MALRD1: variants seen among roughly 807,000 people sequenced by gnomAD.
MALRD1 encodes the protein MAM and LDL-receptor class A domain-containing protein 1.
In MALRD1, 247 loss-of-function variants were observed where a neutral mutation model predicts 242.1. That is an observed-to-expected ratio of 1.02 (90% CI 0.92 to 1.13). MALRD1 has a LOEUF of 1.13. Ranked by LOEUF, MALRD1 falls within the 50% of genes most tolerant of loss-of-function variation. MALRD1 has a pLI of 0.00. For synonymous variants in MALRD1, 995 were observed against 866.6 expected (o/e 1.15, Z -2.60); for missense variants, 2,989 against 2,533.1 (o/e 1.18, Z -3.86).
At chr10:19,370,267 C>G (rs1845317404) in intron 26 of MALRD1, among the ~76,000 whole-genome samples, 1 of 151,992 alleles carries the variant, frequency 6.6e-6, no homozygotes, top group Admixed American at 6.6e-5. Flanking sequence ...ATGTGAGACC[C>G]TACTGGGATA....
chr10:19,086,467 T>C (rs1835672416), intron 2 of MALRD1, among the ~76,000 whole-genome samples: 1 of 151,982 alleles, frequency 6.6e-6, no homozygotes, highest in Admixed American at 6.6e-5. Flanking sequence ...TCACAGGAAA[T>C]CTATGAGAGC....
chr10:19,109,944 C>T (rs899595273), intron 5 of MALRD1, among the ~76,000 whole-genome samples: 1 of 152,114 alleles, frequency 6.6e-6, no homozygotes, highest in African/African-American at 2.4e-5. Flanking sequence ...ATGCTGGGGG[C>T]CTCCTGCTTA....
chr10:19,728,785 C>G (rs1276790497), intron 38 of MALRD1, among the ~76,000 whole-genome samples: 1 of 152,158 alleles, frequency 6.6e-6, no homozygotes. Flanking sequence ...ACACTTCACT[C>G]CCTACCCAAT....
chr10:19,064,330 G>A (rs189495540), intron 1 of MALRD1, among the ~76,000 whole-genome samples: 13 of 152,314 alleles, frequency 8.5e-5, no homozygotes, highest in African/African-American at 3.1e-4. Context: ...ACAGCGGATA[G>A]TTTCAGACTT....
Position 19,648,120 on chromosome 10 carries a change from T to C in MALRD1, c.6137+32197T>C, listed in dbSNP as rs529665683. On this transcript the variant is annotated intron_variant, in intron 36 of 39. Coordinates refer to ENST00000454679, the MANE Select transcript of MALRD1 (RefSeq NM_001142308.3). Reference sequence around the variant, plus strand: ...TGAAGGCTGTGTTCCACATGCACAGTGCAAAACTCCTCAAGGGTTACCAGA... The same window carrying C: ...TGAAGGCTGTGTTCCACATGCACAGCGCAAAACTCCTCAAGGGTTACCAGA... 6.6e-5 allele frequency among the ~76,000 whole-genome samples: 10 copies of C among 152,240 alleles called. No homozygotes were observed. In the South Asian group the frequency reaches 2.1e-3, roughly 32 times the overall value.
At chr10:19,370,947 T>TA (rs1484028156) in intron 26 of MALRD1, among the ~76,000 whole-genome samples, 2 of 151,756 alleles carry the variant, frequency 1.3e-5, no homozygotes, top group African/African-American at 4.8e-5. Flanking sequence ...CTGTGATTTT[T>TA]AAAAAAGTGT....
At chr10:19,430,271 T>C (rs375458616) in intron 28 of MALRD1, among the ~76,000 whole-genome samples, 4 of 151,454 alleles carry the variant, frequency 2.6e-5, no homozygotes, top group African/African-American at 9.7e-5. Context: ...CCCACCACCA[T>C]GCCCGGCTAA....
chr10:19,169,722 A>C (rs1373981988), intron 13 of MALRD1, among the ~76,000 whole-genome samples: 4 of 152,222 alleles, frequency 2.6e-5, no homozygotes, highest in Admixed American at 2.6e-4. Context: ...ACAACAAATG[A>C]AAAAGATATT....
At chr10:19,102,658 C>T (rs915722502) in intron 4 of MALRD1, among the ~76,000 whole-genome samples, 1 of 127,314 alleles carries the variant, frequency 7.9e-6, no homozygotes, top group Non-Finnish European at 1.7e-5. Flanking sequence ...ATGAACAAAG[C>T]CTCTAACATC....
At chr10:19,310,427 T>C (rs1001198136) in intron 21 of MALRD1, among the ~76,000 whole-genome samples, 9 of 151,510 alleles carry the variant, frequency 5.9e-5, no homozygotes, top group African/African-American at 1.9e-4. Context: ...TGATGATTAA[T>C]TGGAAATGCA....
At chr10:19,682,052 A>C (rs1307454391) in intron 36 of MALRD1, among the ~76,000 whole-genome samples, 1 of 151,950 alleles carries the variant, frequency 6.6e-6, no homozygotes, top group Non-Finnish European at 1.5e-5. Context: ...TTAGTACTTT[A>C]TTTTACTTCA....
chr10:19,706,753 T>C (rs1457671785), intron 38 of MALRD1, among the ~76,000 whole-genome samples: 1 of 152,132 alleles, frequency 6.6e-6, no homozygotes, highest in Non-Finnish European at 1.5e-5. Context: ...AGGATAGCAG[T>C]TGGATCTAGG....
chr10:19,585,845 T>C (rs1029716775), intron 33 of MALRD1, among the ~76,000 whole-genome samples: 39 of 152,290 alleles, frequency 2.6e-4, no homozygotes, highest in Admixed American at 2.1e-3. Flanking sequence ...CCATTCTCCC[T>C]GTCACTTTCA....
At chr10:19,498,247 CT>C (rs1286373125) in intron 30 of MALRD1, among the ~76,000 whole-genome samples, 1 of 152,172 alleles carries the variant, frequency 6.6e-6, no homozygotes, top group Non-Finnish European at 1.5e-5. Context: ...TAACTATCAT[CT>C]ATAAATATTA....
chr10:19,597,114 A>G (rs1482705467), intron 34 of MALRD1, among the ~76,000 whole-genome samples: 4 of 152,168 alleles, frequency 2.6e-5, no homozygotes, highest in African/African-American at 7.2e-5. Flanking sequence ...TTTCCTACCT[A>G]TATATTCTCT....
chr10:19,301,700 C>T (rs559289420), intron 21 of MALRD1, among the ~76,000 whole-genome samples: 131 of 151,604 alleles, frequency 8.6e-4, no homozygotes, highest in African/African-American at 3.1e-3. Context: ...CAACAGTCAC[C>T]GGGACCTTCT....
intron 18 of MALRD1, among the ~76,000 whole-genome samples, chr10:19,223,231 A>G (rs1469700796): frequency 2.0e-5 from 3 of 152,154 alleles, no homozygotes; most frequent in Admixed American, 6.6e-5. Flanking sequence ...CTGAAAAGAA[A>G]TTCAATGTTC....
In MALRD1 at chr10:19,708,765, G is replaced by A. The variant is rs1402061874; in HGVS notation, c.6314+16211G>A. On this transcript the variant is annotated intron_variant, in intron 38 of 39. Coordinates refer to ENST00000454679, the MANE Select transcript of MALRD1 (RefSeq NM_001142308.3). ...CAACCTCCGCCTCCCAGGTTCAAGC[G>A]ATTCTCCTGCCTCAGCCTCCCGAGT... 1.5e-4 allele frequency among the ~76,000 whole-genome samples: 19 copies of A among 122,744 alleles called. 1 individual carries two copies. The highest frequency in any genetic ancestry group is 4.2e-4 in the African/African-American group (16 of 38,554). The allele number at this position is 122,744 out of a possible 152,430, so 80.5% of individuals were successfully genotyped here. A position where few individuals can be genotyped will look rare whatever the true frequency, so the allele number is the denominator to read the frequency against.
At chr10:19,143,818 G>A (rs573347698) in intron 10 of MALRD1, among the ~76,000 whole-genome samples, 1 of 152,278 alleles carries the variant, frequency 6.6e-6, no homozygotes, top group South Asian at 2.1e-4. Context: ...TTTGGAGGTG[G>A]CATAGAAGGT....
Sources: gnomAD v4.1 joint callset for allele counts (sites outside exome capture counted in the v4.1 genomes callset) on GRCh38, gnomAD v4.1.1 for gene constraint, MANE v1.5 for transcripts, NCBI Gene and HGNC (gene_info 2026-07-23, HGNC 2026-07-21) for gene names.